B4GALT6: variants seen among roughly 807,000 people sequenced by gnomAD.
The protein encoded by B4GALT6 is UDP-Gal:beta-GlcNAc beta-1,4-galactosyltransferase 6.
In B4GALT6, 14 loss-of-function variants were observed where a neutral mutation model predicts 46.3. The observed-to-expected ratio is 0.30, with a 90% CI of 0.20 to 0.47. The LOEUF (loss-of-function observed/expected upper bound fraction) is 0.47. B4GALT6 is among the 20% of genes least tolerant of loss of function. The pLI is 0.99. For missense variants in B4GALT6, 386 were observed against 480.1 expected (o/e 0.80, Z 1.83); for synonymous variants, 168 against 162.0 (o/e 1.04, Z -0.28).
intron 2 of B4GALT6, among the ~76,000 whole-genome samples, chr18:31,663,875 T>C (rs572803915): frequency 2.6e-5 from 4 of 152,324 alleles, no homozygotes; most frequent in South Asian, 2.1e-4. Context: ...ATAATAATTA[T>C]TCGTAAATGT....
chr18:31,685,641 C>A, upstream of B4GALT6: 1 of 152,466 alleles, frequency 6.6e-6, no homozygotes, highest in South Asian at 2.0e-4. Context: ...CCGGGGACCC[C>A]GCGGTGACCG....
chr18:31,626,540 G>A (rs2073700220), intron 7 of B4GALT6, among the ~76,000 whole-genome samples, 156 bp from the exon 8 acceptor site: 2 of 152,132 alleles, frequency 1.3e-5, no homozygotes, highest in Non-Finnish European at 1.5e-5. Context: ...TTAAAAACTG[G>A]GCCGCACAGC....
chr18:31,696,820 G>T, the B4GALT6 span, among the ~76,000 whole-genome samples: 1 of 152,132 alleles, frequency 6.6e-6, no homozygotes, highest in Non-Finnish European at 1.5e-5. Context: ...AAGGTCTGTG[G>T]ATATTAAACC....
Position 31,683,532 on chromosome 18 carries a change from G to A in B4GALT6, c.115+780C>T, listed in dbSNP as rs999749025. On this transcript the variant is annotated intron_variant, in intron 1 of 8. Transcript: ENST00000306851. Reference sequence around the variant, plus strand: ...ATTGGCTCCTTTTCAACAAATGGGGGACGAGGAATTCGGATATTTAATAAA... The same window carrying A: ...ATTGGCTCCTTTTCAACAAATGGGGAACGAGGAATTCGGATATTTAATAAA... 6.6e-4 allele frequency among the ~76,000 whole-genome samples: 100 copies of A among 152,168 alleles called. 2 individuals carry two copies. The highest frequency in any genetic ancestry group is 1.5e-4 in the Non-Finnish European group (10 of 68,028).
the B4GALT6 span, among the ~76,000 whole-genome samples, chr18:31,705,410 T>C: frequency 6.6e-6 from 1 of 152,148 alleles, no homozygotes; most frequent in South Asian, 2.1e-4. Context: ...CATTTTGAGA[T>C]GGAGTTTCAA....
chr18:31,675,167 C>T (rs1388620772), intron 1 of B4GALT6, among the ~76,000 whole-genome samples: 1 of 152,132 alleles, frequency 6.6e-6, no homozygotes. Flanking sequence ...TTACAATTTC[C>T]ACTCTGCAGT....
chr18:31,645,620 G>T (rs117060609), intron 3 of B4GALT6, 141 bp from the exon 4 acceptor site: 4 of 714,378 alleles, frequency 5.6e-6, no homozygotes, highest in Non-Finnish European at 2.2e-6. Context: ...ACAAAATTAT[G>T]AATAGCGCTC....
chr18:31,670,665 G>T (rs1293820978), intron 1 of B4GALT6, among the ~76,000 whole-genome samples: 1 of 152,344 alleles, frequency 6.6e-6, no homozygotes, highest in East Asian at 1.9e-4. Context: ...AAACCAGCAT[G>T]AGAATGGTTC....
At chr18:31,710,671 G>A in the B4GALT6 span, among the ~76,000 whole-genome samples, 1 of 152,078 alleles carries the variant, frequency 6.6e-6, no homozygotes, top group Non-Finnish European at 1.5e-5. Flanking sequence ...TGGAATTCTG[G>A]TCTCCAGAAC....
At chr18:31,679,662 C>A (rs1349951598) in intron 1 of B4GALT6, among the ~76,000 whole-genome samples, 1 of 152,142 alleles carries the variant, frequency 6.6e-6, no homozygotes, top group Non-Finnish European at 1.5e-5. Context: ...ATGATGAAGA[C>A]AATCAAATCT....
intron 4 of B4GALT6, among the ~76,000 whole-genome samples, chr18:31,640,793 C>G (rs1667281): frequency 0.59 from 89,152 of 152,134 alleles, 28,238 homozygotes; most frequent in African/African-American, 0.85. Context: ...TACTGAGGGG[C>G]ACTTACTGCT....
intron 6 of B4GALT6, among the ~76,000 whole-genome samples, chr18:31,629,849 C>CA (rs1192136047): frequency 0.017 from 1,041 of 59,822 alleles, 7 homozygotes; most frequent in African/African-American, 0.032. Context: ...GACTCTGTCT[C>CA]AAAAAAAAAA....
chr18:31,672,250 A>AAGTCT (rs934280091), intron 1 of B4GALT6, among the ~76,000 whole-genome samples: 2 of 152,230 alleles, frequency 1.3e-5, no homozygotes, highest in African/African-American at 4.8e-5. Flanking sequence ...CTCTTAACAA[A>AAGTCT]AGTCTAGTGA....
At chr18:31,705,876 G>T in the B4GALT6 span, among the ~76,000 whole-genome samples, 1 of 152,118 alleles carries the variant, frequency 6.6e-6, no homozygotes. Context: ...CTTATTCAAC[G>T]TTTTTCTGAA....
chr18:31,692,602 A>G, the B4GALT6 span, among the ~76,000 whole-genome samples: 17 of 152,240 alleles, frequency 1.1e-4, no homozygotes, highest in Non-Finnish European at 7.3e-5. Flanking sequence ...GTAAAGAGCT[A>G]TCTTAAACAA....
chr18:31,660,807 A>G (rs1304563248), intron 2 of B4GALT6, among the ~76,000 whole-genome samples: 1 of 152,182 alleles, frequency 6.6e-6, no homozygotes, highest in African/African-American at 2.4e-5. Context: ...CCATACTGAT[A>G]GGACTGCTCC....
the B4GALT6 span, among the ~76,000 whole-genome samples, chr18:31,713,766 G>C: frequency 6.6e-6 from 1 of 152,112 alleles, no homozygotes; most frequent in Non-Finnish European, 1.5e-5. Flanking sequence ...CCAAATGCCT[G>C]TGGCAGCCAG....
chr18:31,655,746 C>T (rs1431025666), intron 3 of B4GALT6, among the ~76,000 whole-genome samples: 1 of 152,112 alleles, frequency 6.6e-6, no homozygotes, highest in Admixed American at 6.5e-5. Flanking sequence ...TTCAACAGAA[C>T]ATTACCCAGT....
At chr18:31,649,266 T>C (rs2074029417) in intron 3 of B4GALT6, among the ~76,000 whole-genome samples, 1 of 152,196 alleles carries the variant, frequency 6.6e-6, no homozygotes, top group African/African-American at 2.4e-5. Flanking sequence ...AAACGATTTA[T>C]TACTCAAGTT....
Sources: allele counts gnomAD v4.1 joint callset (sites outside exome capture counted in the v4.1 genomes callset), GRCh38; gene constraint gnomAD v4.1.1; transcripts MANE v1.5; gene names NCBI Gene and HGNC (gene_info 2026-07-23, HGNC 2026-07-21).